SOX5: variants seen among roughly 807,000 people sequenced by gnomAD.
SOX5 encodes SRY-box transcription factor 5, also known as transcription factor SOX-5.
SOX5 carries 9 observed loss-of-function variants against 92.0 expected under a neutral mutation model. The observed-to-expected ratio is 0.10, with a 90% CI of 0.06 to 0.17. The LOEUF (loss-of-function observed/expected upper bound fraction) is 0.17, where lower values mean the gene tolerates loss of function less well. SOX5 is among the 10% of genes least tolerant of loss of function. SOX5 has a pLI of 1.00. For synonymous variants in SOX5, 344 were observed against 336.3 expected (o/e 1.02, Z -0.25); for missense variants, 642 against 944.5 (o/e 0.68, Z 4.20).
intron 4 of SOX5, among the ~76,000 whole-genome samples, chr12:24,025,106 A>T (rs1954737538): frequency 3.3e-5 from 5 of 152,070 alleles, no homozygotes; most frequent in Admixed American, 3.3e-4. Flanking sequence ...TTCAAAACTG[A>T]CGATGCTATT....
chr12:24,092,516 G>C (rs551084851), intron 4 of SOX5, among the ~76,000 whole-genome samples: 3 of 152,234 alleles, frequency 2.0e-5, no homozygotes, highest in African/African-American at 4.8e-5. Context: ...CCTCAATATA[G>C]ATGCTCACAC....
rs931458076 is a variant in SOX5, at chr12:23,667,050, G to T, written c.811-1486C>A. ...TTCTGAGATTTTGGTTGGTGAGTGT[G>T]GGGGGCAGCGAGGACTGAGAGAGGG... On this transcript the variant is annotated intron_variant, in intron 6 of 14. Transcript: ENST00000451604. Among the ~76,000 whole-genome samples, 10 of 152,120 alleles carry T rather than the reference G, an allele frequency of 6.6e-5. No individual in the cohort carries two copies. In the East Asian group the frequency reaches 1.4e-3, roughly 21 times the overall value.
At chr12:23,762,445 C>T in intron 3 of SOX5, 2 of 403,124 alleles carry the variant, frequency 5.0e-6, no homozygotes, top group Non-Finnish European at 8.8e-6. Context: ...CCACAACAAA[C>T]AATAGAAACA....
intron 9 of SOX5, among the ~76,000 whole-genome samples, chr12:23,578,038 C>CT (rs1331126174): frequency 7.1e-6 from 1 of 140,088 alleles, no homozygotes; most frequent in Non-Finnish European, 1.5e-5. Context: ...GGAGAATCAC[C>CT]TGAACCCGGG....
At chr12:23,733,271 C>T (rs1174090488) in intron 6 of SOX5, among the ~76,000 whole-genome samples, 1 of 152,118 alleles carries the variant, frequency 6.6e-6, no homozygotes, top group Non-Finnish European at 1.5e-5. Context: ...AATTACCTTA[C>T]TTAGAATAAG....
intron 4 of SOX5, among the ~76,000 whole-genome samples, chr12:24,128,008 C>A (rs1210388736): frequency 6.6e-6 from 1 of 152,304 alleles, no homozygotes; most frequent in South Asian, 2.1e-4. Flanking sequence ...TAATGTTTTA[C>A]ACCATAAATC....
intron 4 of SOX5, among the ~76,000 whole-genome samples, chr12:24,103,817 G>C (rs1180574837): frequency 6.6e-6 from 1 of 152,116 alleles, no homozygotes; most frequent in Non-Finnish European, 1.5e-5. Flanking sequence ...GTACATGCAA[G>C]ATGGAATGGA....
chr12:23,999,058 A>T (rs1202298282), intron 4 of SOX5, among the ~76,000 whole-genome samples: 1 of 151,994 alleles, frequency 6.6e-6, no homozygotes, highest in Non-Finnish European at 1.5e-5. Flanking sequence ...TAAGTTTAAC[A>T]GCAGAATCCT....
intron 4 of SOX5, among the ~76,000 whole-genome samples, chr12:24,007,735 ATAAATATATTTATG>A (rs1216490451): frequency 2.1e-5 from 1 of 47,800 alleles, no homozygotes; most frequent in Non-Finnish European, 4.9e-5. Context: ...ATAAATGTAT[ATAAATATATTTATG>A]TATATAAATG....
intron 6 of SOX5, among the ~76,000 whole-genome samples, chr12:23,701,442 C>G (rs184657082): frequency 2.0e-4 from 30 of 151,974 alleles, no homozygotes; most frequent in Middle Eastern, 6.8e-3. Context: ...CTGCAAAATC[C>G]TTTTCTCTCT....
At chr12:24,324,783 T>G (rs142993804) in intron 2 of SOX5, among the ~76,000 whole-genome samples, 2 of 152,042 alleles carry the variant, frequency 1.3e-5, no homozygotes, top group Admixed American at 1.3e-4. Flanking sequence ...AGGGTTATCA[T>G]GAAGTTTCAA....
At chr12:23,926,087 G>A (rs4469991) in intron 1 of SOX5, among the ~76,000 whole-genome samples, 56,297 of 151,838 alleles carry the variant, frequency 0.37, 10,997 homozygotes, top group Non-Finnish European at 0.44. Context: ...GGATGGCTTG[G>A]TATTTTAATT....
chr12:23,695,137 A>G (rs1243841444), intron 6 of SOX5, among the ~76,000 whole-genome samples: 1 of 144,088 alleles, frequency 6.9e-6, no homozygotes, highest in Non-Finnish European at 1.5e-5. Flanking sequence ...AAAAAAATCA[A>G]TTGAACATAC....
intron 2 of SOX5, among the ~76,000 whole-genome samples, chr12:24,315,287 GT>G (rs1256527413): frequency 1.3e-5 from 2 of 152,000 alleles, no homozygotes; most frequent in Admixed American, 6.6e-5. Flanking sequence ...GGGTAAGAAT[GT>G]TTTTTCTATT....
At chr12:23,838,847 G>GGGC (rs2096471970) in intron 3 of SOX5, among the ~76,000 whole-genome samples, 1 of 58,678 alleles carries the variant, frequency 1.7e-5, no homozygotes, top group Non-Finnish European at 4.4e-5. Context: ...TTTTTTTGGG[G>GGGC]GGGGGGGGCG....
chr12:23,543,748 G>C (rs1372392498), intron 12 of SOX5, among the ~76,000 whole-genome samples: 1 of 152,178 alleles, frequency 6.6e-6, no homozygotes, highest in Non-Finnish European at 1.5e-5. Flanking sequence ...CATTAAATAG[G>C]TAAAGAAGCA....
At chr12:24,449,805 C>T (rs1942000533) in intron 1 of SOX5, among the ~76,000 whole-genome samples, 1 of 152,184 alleles carries the variant, frequency 6.6e-6, no homozygotes, top group Admixed American at 6.5e-5. Context: ...AAATCACACT[C>T]ATCCACCAGT....
At chr12:24,301,649 G>T (rs1214539041) in intron 2 of SOX5, among the ~76,000 whole-genome samples, 1 of 152,156 alleles carries the variant, frequency 6.6e-6, no homozygotes, top group Non-Finnish European at 1.5e-5. Flanking sequence ...TTCTAATAAT[G>T]TAGTGCTCTG....
intron 4 of SOX5, among the ~76,000 whole-genome samples, chr12:23,742,510 TAATATA>T (rs2093833728): frequency 6.6e-6 from 1 of 152,126 alleles, no homozygotes; most frequent in South Asian, 2.1e-4. Context: ...TAATATTAAA[TAATATA>T]AATATATCTT....
Sources: allele counts gnomAD v4.1 joint callset (sites outside exome capture counted in the v4.1 genomes callset), GRCh38; gene constraint gnomAD v4.1.1; transcripts MANE v1.5; gene names NCBI Gene and HGNC (gene_info 2026-07-23, HGNC 2026-07-21).